Variants in FBXO4 observed in about 807,000 individuals in gnomAD.
FBXO4 encodes F-box protein 4, also known as F-box only protein 4.
In FBXO4, 36 loss-of-function variants were observed where a neutral mutation model predicts 43.7. The observed-to-expected ratio is 0.82, with a 90% CI of 0.63 to 1.09. The LOEUF is 1.09. Ranked by LOEUF, FBXO4 falls within the 50% of genes least tolerant of loss-of-function variation. The pLI is 0.00. For missense variants in FBXO4, 435 were observed against 474.1 expected (o/e 0.92, Z 0.77); for synonymous variants, 180 against 165.6 (o/e 1.09, Z -0.67).
chr5:42,031,601 A>G, the FBXO4 span, among the ~76,000 whole-genome samples: 17 of 152,114 alleles, frequency 1.1e-4, no homozygotes, highest in Admixed American at 5.9e-4. Context: ...CTAAAACTTA[A>G]AGTATAATAA....
chr5:41,965,245 C>A, the FBXO4 span, among the ~76,000 whole-genome samples: 1 of 152,104 alleles, frequency 6.6e-6, no homozygotes, highest in East Asian at 1.9e-4. Context: ...TGATCTATAT[C>A]TCTGTTTTGG....
intron 1 of FBXO4, among the ~76,000 whole-genome samples, chr5:41,925,885 A>G (rs1378054297): frequency 1.3e-5 from 2 of 152,202 alleles, no homozygotes; most frequent in African/African-American, 2.4e-5. Flanking sequence ...CCCTGTTCCC[A>G]GCGTCTTTGA....
the FBXO4 span, among the ~76,000 whole-genome samples, chr5:42,027,975 C>A: frequency 1.3e-5 from 2 of 151,888 alleles, no homozygotes; most frequent in African/African-American, 4.8e-5. Context: ...GAGAATGACC[C>A]ATGTGCTAAA....
the FBXO4 span, among the ~76,000 whole-genome samples, chr5:42,039,056 T>C: frequency 6.6e-6 from 1 of 152,134 alleles, no homozygotes; most frequent in Non-Finnish European, 1.5e-5. Context: ...CATGGCTTTA[T>C]TCAAGAGAGA....
chr5:41,934,110 T>C, intron 4 of FBXO4, 23 bp from the exon 5 acceptor site: 1 of 1,613,338 alleles, frequency 6.2e-7, no homozygotes, highest in Non-Finnish European at 8.5e-7. Context: ...TTTTATATTC[T>C]GTCTTTACAA....
chr5:41,955,419 AT>A, the FBXO4 span, among the ~76,000 whole-genome samples: 1 of 152,218 alleles, frequency 6.6e-6, no homozygotes, highest in Non-Finnish European at 1.5e-5. Flanking sequence ...CAACAAAAAA[AT>A]GAACAATATT....
chr5:41,961,291 T>C, the FBXO4 span, among the ~76,000 whole-genome samples: 1 of 152,132 alleles, frequency 6.6e-6, no homozygotes, highest in Non-Finnish European at 1.5e-5. Flanking sequence ...CCTCCCAATC[T>C]TTTTTTCTCT....
At chr5:41,989,732 C>T in the FBXO4 span, among the ~76,000 whole-genome samples, 1 of 152,144 alleles carries the variant, frequency 6.6e-6, no homozygotes, top group African/African-American at 2.4e-5. Flanking sequence ...GAAGTATCAT[C>T]CCAAAATAGC....
At chr5:41,940,083 T>C (rs1472530103) in intron 6 of FBXO4, among the ~76,000 whole-genome samples, 1 of 151,836 alleles carries the variant, frequency 6.6e-6, no homozygotes, top group East Asian at 1.9e-4. Flanking sequence ...ACTCCTAGGC[T>C]CAAACCATCT....
the FBXO4 span, among the ~76,000 whole-genome samples, chr5:41,977,158 G>C: frequency 2.0e-5 from 3 of 152,168 alleles, no homozygotes; most frequent in Non-Finnish European, 2.9e-5. Context: ...TGTGATGTGA[G>C]GGGCTGCCTT....
At chr5:41,989,570 G>C in the FBXO4 span, among the ~76,000 whole-genome samples, 1 of 152,116 alleles carries the variant, frequency 6.6e-6, no homozygotes, top group Non-Finnish European at 1.5e-5. Context: ...TATTATTGCA[G>C]ATCCAATTAA....
the FBXO4 span, among the ~76,000 whole-genome samples, chr5:41,985,965 T>C: frequency 5.3e-5 from 8 of 152,310 alleles, no homozygotes; most frequent in African/African-American, 7.2e-5. Context: ...TTTATACTCA[T>C]TGATTTCAAA....
At chr5:41,951,690 TGAGTGAGCTGCTGTTG>T in the FBXO4 span, 2 of 214,206 alleles carry the variant, frequency 9.3e-6, no homozygotes, top group Non-Finnish European at 1.9e-5. Flanking sequence ...TCAGGCCCAC[TGAGTGAGCTGCTGTTG>T]CATGGGGTGG....
At chr5:41,965,227 T>C in the FBXO4 span, among the ~76,000 whole-genome samples, 1 of 152,224 alleles carries the variant, frequency 6.6e-6, no homozygotes, top group Non-Finnish European at 1.5e-5. Context: ...GGCTCTGTTC[T>C]GTTCCATTGA....
the FBXO4 span, among the ~76,000 whole-genome samples, chr5:42,001,184 A>T: frequency 2.6e-5 from 4 of 152,312 alleles, no homozygotes; most frequent in Middle Eastern, 3.4e-3. Context: ...AATTTTAACA[A>T]TATAAATTCT....
the FBXO4 span, among the ~76,000 whole-genome samples, chr5:42,018,871 A>G: frequency 6.6e-6 from 1 of 152,174 alleles, no homozygotes; most frequent in Non-Finnish European, 1.5e-5. Context: ...TGTCAATGCA[A>G]AACTCAACTA....
At chr5:41,953,375 T>C in the FBXO4 span, among the ~76,000 whole-genome samples, 1 of 152,216 alleles carries the variant, frequency 6.6e-6, no homozygotes, top group East Asian at 1.9e-4. Flanking sequence ...ATGTGCCACA[T>C]TTTCTTAATC....
At chr5:41,996,264 T>G in the FBXO4 span, among the ~76,000 whole-genome samples, 1 of 152,116 alleles carries the variant, frequency 6.6e-6, no homozygotes, top group Non-Finnish European at 1.5e-5. Flanking sequence ...GCTAGATGGG[T>G]CAGAAAGCAC....
chr5:42,025,259 G>C, the FBXO4 span, among the ~76,000 whole-genome samples: 2 of 152,108 alleles, frequency 1.3e-5, no homozygotes, highest in African/African-American at 4.8e-5. Context: ...TAACTGGGGT[G>C]AGATGATATC....
Sources: allele counts gnomAD v4.1 joint callset (sites outside exome capture counted in the v4.1 genomes callset), GRCh38; gene constraint gnomAD v4.1.1; transcripts MANE v1.5; gene names NCBI Gene and HGNC (gene_info 2026-07-23, HGNC 2026-07-21).